Variants in IL21R observed in about 807,000 individuals in gnomAD.
IL21R encodes interleukin-21 receptor.
IL21R carries 14 observed loss-of-function variants against 41.3 expected under a neutral mutation model. The observed-to-expected ratio is 0.34, with a 90% CI of 0.22 to 0.53. The LOEUF is 0.53. IL21R is among the 20% of genes least tolerant of loss of function. The pLI is 0.94. For synonymous variants in IL21R, 286 were observed against 287.6 expected (o/e 0.99, Z 0.05); for missense variants, 588 against 681.6 (o/e 0.86, Z 1.53).
chr16:27,419,133 T>C (rs2086956671), intron 1 of IL21R, among the ~76,000 whole-genome samples: 1 of 152,052 alleles, frequency 6.6e-6, no homozygotes, highest in Non-Finnish European at 1.5e-5. Context: ...GAGAATCACT[T>C]GAACCCGGGA....
At chr16:27,418,109 G>A (rs944739632) in intron 1 of IL21R, among the ~76,000 whole-genome samples, 4 of 147,824 alleles carry the variant, frequency 2.7e-5, no homozygotes, top group African/African-American at 2.5e-5. Flanking sequence ...TCGCTCTATC[G>A]CCCAGGCTGG....
chr16:27,441,973 C>T (rs1173796118), intron 4 of IL21R, among the ~76,000 whole-genome samples: 1 of 152,198 alleles, frequency 6.6e-6, no homozygotes, highest in Admixed American at 6.5e-5. Flanking sequence ...GATCGCACCA[C>T]TGCACTCCAG....
At chr16:27,411,126 T>G (rs1331608406) in intron 1 of IL21R, among the ~76,000 whole-genome samples, 1 of 152,242 alleles carries the variant, frequency 6.6e-6, no homozygotes, top group East Asian at 1.9e-4. Flanking sequence ...CAGAAACAGG[T>G]GTGCAAATAT....
At chr16:27,436,509 C>A (rs1483779775) in intron 3 of IL21R, among the ~76,000 whole-genome samples, 1 of 152,148 alleles carries the variant, frequency 6.6e-6, no homozygotes, top group Non-Finnish European at 1.5e-5. Flanking sequence ...TGTATTCCAG[C>A]AAATTTGGCA....
At chr16:27,408,196 A>G (rs1450126429) in intron 1 of IL21R, among the ~76,000 whole-genome samples, 3 of 152,218 alleles carry the variant, frequency 2.0e-5, no homozygotes, top group Non-Finnish European at 4.4e-5. Flanking sequence ...GGAGTGACTC[A>G]TGCTCTTTGG....
chr16:27,430,079 G>A lies in IL21R; in HGVS notation c.8G>A (p.Arg3His), dbSNP rs913538510. 8 of 1,606,128 alleles carry A rather than the reference G, an allele frequency of 5.0e-6. No homozygotes were observed. The highest frequency in any genetic ancestry group is 1.1e-5 in the South Asian group (1 of 91,002). MPRGWAAPLLLLL... is the reference protein window; with the variant it reads MPHGWAAPLLLLL... ...AGGCCCGTGGGAGTCAGCATGCCGC[G>A]TGGCTGGGCCGCCCCCTTGCTCCTG... is the stretch of plus-strand genomic sequence containing the variant. The change falls in exon 2 of 9, where the codon CGT (arginine) becomes CAT (histidine). Residue 3 changes from arginine (R) to histidine (H), a missense_variant. Arg to His is a conservative substitution (Grantham distance 29). Coordinates refer to ENST00000337929, the MANE Select transcript of IL21R (RefSeq NM_181078.3).
chr16:27,418,006 ATTTTATTTATTTTAT>A (rs1311419159), intron 1 of IL21R, among the ~76,000 whole-genome samples: 1,243 of 86,532 alleles, frequency 0.014, 26 homozygotes, highest in East Asian at 0.018. Flanking sequence ...CATTTTTCCT[ATTTTATTTATTTTAT>A]TTTATTTTAT....
At chr16:27,429,931 T>A in intron 1 of IL21R, 125 bp from the exon 2 acceptor site, 1 of 747,712 alleles carries the variant, frequency 1.3e-6, no homozygotes, top group Non-Finnish European at 2.1e-6. Context: ...CCTCGGGATC[T>A]TGCATTTTTC....
At chr16:27,438,319 C>G (rs2087310659) in intron 4 of IL21R, among the ~76,000 whole-genome samples, 2 of 151,990 alleles carry the variant, frequency 1.3e-5, no homozygotes, top group African/African-American at 2.4e-5. Context: ...GGGTTTTTTC[C>G]CCTTCATAAG....
In IL21R at chr16:27,437,657, G is replaced by T; in HGVS notation, c.322G>T (p.Glu108Ter). 6.2e-7 allele frequency: 1 copy of T among 1,614,168 alleles called. No homozygotes were observed. The highest frequency in any genetic ancestry group is 8.5e-7 in the Non-Finnish European group (1 of 1,180,020). The change falls in exon 4 of 9, where the codon GAG becomes TAG. Residue 108 changes from glutamate to a stop codon, truncating the protein, a stop_gained. Transcript: ENST00000337929. LOFTEE classifies it high-confidence loss of function. ...ITDQSGNYSQ[E>*]CGSFLLAESI... is the part of the protein sequence containing the mutation. Reference sequence around the variant, plus strand: ...AGACCAGTCTGGCAACTACTCCCAGGAGTGTGGCAGCTTTCTCCTGGCTGA... The same window carrying T: ...AGACCAGTCTGGCAACTACTCCCAGTAGTGTGGCAGCTTTCTCCTGGCTGA...
intron 7 of IL21R, among the ~76,000 whole-genome samples, chr16:27,445,633 G>C (rs1040928106): frequency 6.6e-6 from 1 of 152,194 alleles, no homozygotes; most frequent in Non-Finnish European, 1.5e-5. Context: ...TTTAAGCTTT[G>C]AGGCTTAATG....
chr16:27,443,782 C>CAAA (rs34976912), intron 5 of IL21R, among the ~76,000 whole-genome samples: 1 of 126,102 alleles, frequency 7.9e-6, no homozygotes. Context: ...GACTCGATCT[C>CAAA]AAAAAAAAAA....
chr16:27,432,894 C>T (rs567458701), intron 2 of IL21R, among the ~76,000 whole-genome samples: 163 of 152,262 alleles, frequency 1.1e-3, no homozygotes, highest in African/African-American at 3.7e-3. Flanking sequence ...GTCATGTGTG[C>T]GGCTATGAAA....
At chr16:27,423,510 T>C (rs1422703073) in intron 1 of IL21R, among the ~76,000 whole-genome samples, 1 of 152,204 alleles carries the variant, frequency 6.6e-6, no homozygotes, top group Non-Finnish European at 1.5e-5. Flanking sequence ...CAAAATTTGA[T>C]GTTATTATCC....
In IL21R at chr16:27,449,066, G is replaced by T. The variant is rs751889645; in HGVS notation, c.1400G>T (p.Gly467Val). The T allele has an allele frequency of 3.1e-6, 5 of 1,612,762 alleles. No homozygotes were observed. Among genetic ancestry groups the T allele is most frequent in the Non-Finnish European group, 4.2e-6 (5 of 1,179,802 alleles). Residue 467 changes from glycine to valine, a missense_variant, in exon 9 of 9, where the codon GGC (glycine) becomes GTC (valine). Physicochemically the swap from Gly to Val is moderately radical, Grantham distance 109 (BLOSUM62 -3). Coordinates refer to ENST00000337929, the MANE Select transcript of IL21R (RefSeq NM_181078.3). ...EDWAGGLPWG[G>V]RSPGGVSESE... ...TGGGCTGGGGGACTGCCCTGGGGTG[G>T]CCGGTCACCTGGAGGGGTCTCAGAG...
intron 2 of IL21R, 76 bp from the exon 3 acceptor site, chr16:27,434,271 C>T: frequency 1.1e-6 from 1 of 945,078 alleles, no homozygotes; most frequent in Non-Finnish European, 1.7e-6. Context: ...TCCTCCAGCC[C>T]TCGAGGGGAT....
chr16:27,403,313 C>T (rs1345887899), intron 1 of IL21R: 2 of 1,218,108 alleles, frequency 1.6e-6, no homozygotes, highest in Non-Finnish European at 2.2e-6. Flanking sequence ...AAAGGAAGAA[C>T]ATTCCTGGTG....
chr16:27,440,287 A>AGAGAGAGAGC (rs1479585420), intron 4 of IL21R, among the ~76,000 whole-genome samples: 59 of 102,650 alleles, frequency 5.7e-4, no homozygotes, highest in Non-Finnish European at 1.0e-3. Context: ...AGAGCGAGCA[A>AGAGAGAGAGC]GCGCGCGCCA....
intron 8 of IL21R, 151 bp downstream of exon 8, chr16:27,446,239 T>C: frequency 3.5e-6 from 2 of 576,530 alleles, no homozygotes; most frequent in Admixed American, 6.5e-5. Context: ...AGTTTCCCCA[T>C]GTGCAAAGTG....
Sources: gnomAD v4.1 joint callset for allele counts (sites outside exome capture counted in the v4.1 genomes callset) on GRCh38, gnomAD v4.1.1 for gene constraint, MANE v1.5 for transcripts, NCBI Gene and HGNC (gene_info 2026-07-23, HGNC 2026-07-21) for gene names.